Variants in SPRY3 observed in about 807,000 individuals in gnomAD.
SPRY3 encodes the protein sprouty RTK signaling antagonist 3.
In SPRY3, 15 loss-of-function variants were observed where a neutral mutation model predicts 20.2. The observed-to-expected ratio is 0.74, with a 90% confidence interval of 0.50 to 1.14. The LOEUF is 1.14. SPRY3 is among the 50% of genes most tolerant of loss of function. The pLI is 0.00. For missense variants in SPRY3, 364 were observed against 363.9 expected (o/e 1.00, Z 0.00); for synonymous variants, 143 against 136.5 (o/e 1.05, Z -0.33).
At chrX:155,673,128 T>C (rs1603130640) in intron 2 of SPRY3, among the ~76,000 whole-genome samples, 4 of 97,768 alleles carry the variant, frequency 4.1e-5, no homozygotes, top group African/African-American at 1.1e-4. Context: ...GACAAGTTAA[T>C]GGGTGCAGCA....
At chrX:155,637,065 G>A (rs887601938) in intron 1 of SPRY3, among the ~76,000 whole-genome samples, 5 of 101,538 alleles carry the variant, frequency 4.9e-5, no homozygotes, top group Non-Finnish European at 1.0e-4. Flanking sequence ...GGATAGCATT[G>A]GGAGATATAC....
At position 155,652,417 on chromosome X, in the gene SPRY3, C is replaced by T. The variant is rs782530268; in HGVS notation, c.-440-4450C>T. 2.8e-4 allele frequency among the ~76,000 whole-genome samples: 31 copies of T among 111,075 alleles called. No homozygotes were observed. In the Admixed American group the frequency reaches 2.9e-3, roughly 10 times the overall value. ...CCAGCCCATTACAACCTTTCCCAGT[C>T]TCTGGTAGCCATCCTTCTACTCTCT... On this transcript the variant is annotated intron_variant, in intron 1 of 3. Coordinates refer to ENST00000675360, the Ensembl canonical transcript of SPRY3.
chrX:155,623,641 C>T (rs2067878365), intron 1 of SPRY3, among the ~76,000 whole-genome samples: 1 of 111,856 alleles, frequency 8.9e-6, no homozygotes, highest in Admixed American at 9.5e-5. Flanking sequence ...AGAACTGACT[C>T]GCCCTGAATT....
intron 2 of SPRY3, among the ~76,000 whole-genome samples, chrX:155,739,485 G>T (rs1416553877): frequency 6.6e-6 from 1 of 152,174 alleles, no homozygotes; most frequent in Admixed American, 6.5e-5. Context: ...CTTGAAGCTG[G>T]CCCCTGATCC....
intron 2 of SPRY3, among the ~76,000 whole-genome samples, chrX:155,717,089 G>A (rs1289153248): frequency 2.8e-5 from 4 of 142,340 alleles, no homozygotes; most frequent in African/African-American, 1.0e-4. Flanking sequence ...AACCCGGGAA[G>A]CAGAGGTTGC....
chrX:155,669,549 T>C (rs1557354573), intron 2 of SPRY3, among the ~76,000 whole-genome samples: 1 of 110,953 alleles, frequency 9.0e-6, no homozygotes, highest in African/African-American at 3.3e-5. Context: ...CACTAACAGA[T>C]TTTTCAAAAT....
chrX:155,719,863 ATTCCCGGC>A (rs1569385463), intron 2 of SPRY3, among the ~76,000 whole-genome samples: 1 of 152,114 alleles, frequency 6.6e-6, no homozygotes, highest in Non-Finnish European at 1.5e-5. Context: ...GACTCAAGAC[ATTCCCGGC>A]TGTGGTGGCT....
In SPRY3 at chrX:155,691,215, G is replaced by A. The variant is rs1015096077; in HGVS notation, c.-282+34190G>A. Reference sequence around the variant, plus strand: ...GCATTTACCCTGAGATAACTTTGCCGCAAAATATTTCACTTTTATTATTAT... The same window carrying A: ...GCATTTACCCTGAGATAACTTTGCCACAAAATATTTCACTTTTATTATTAT... On this transcript the variant is annotated intron_variant, in intron 2 of 3. Transcript: ENST00000675360. Among the ~76,000 whole-genome samples, 29 of 86,786 alleles carry A rather than the reference G, an allele frequency of 3.3e-4. 8 individuals carry two copies. Among genetic ancestry groups the A allele is most frequent in the African/African-American group, 1.1e-3 (19 of 18,028 alleles). The allele number at this position is 86,786 out of a possible 115,157, so 75.4% of individuals were successfully genotyped here.
intron 2 of SPRY3, among the ~76,000 whole-genome samples, chrX:155,716,217 G>T (rs1289030973): frequency 6.6e-6 from 1 of 151,898 alleles, no homozygotes; most frequent in Non-Finnish European, 1.5e-5. Context: ...CTGTCTTTAG[G>T]TTCACTGATT....
intron 1 of SPRY3, among the ~76,000 whole-genome samples, chrX:155,649,990 G>T (rs2067971345): frequency 9.0e-6 from 1 of 111,430 alleles, no homozygotes; most frequent in South Asian, 3.8e-4. Flanking sequence ...GCCAAATCAT[G>T]AGTGAACTCC....
At chrX:155,634,372 G>A (rs1348142356) in intron 1 of SPRY3, among the ~76,000 whole-genome samples, 2 of 111,559 alleles carry the variant, frequency 1.8e-5, no homozygotes, top group African/African-American at 6.5e-5. Context: ...TATCATGTGT[G>A]GACTTGTGAA....
intron 1 of SPRY3, among the ~76,000 whole-genome samples, chrX:155,625,254 C>T (rs1315736492): frequency 9.0e-6 from 1 of 111,388 alleles, no homozygotes; most frequent in African/African-American, 3.2e-5. Context: ...GAGAATGATA[C>T]ACTGATCCCC....
chrX:155,751,924 G>GAAATAAATAAAATAAAATA (rs1198863459), intron 2 of SPRY3, among the ~76,000 whole-genome samples: 2 of 121,662 alleles, frequency 1.6e-5, no homozygotes, highest in African/African-American at 5.9e-5. Context: ...CAAGGGAAGG[G>GAAATAAATAAAATAAAATA]AAATAAAATA....
intron 2 of SPRY3, among the ~76,000 whole-genome samples, chrX:155,675,599 A>G (rs1381632248): frequency 8.9e-6 from 1 of 111,765 alleles, no homozygotes; most frequent in Middle Eastern, 4.6e-3. Flanking sequence ...GGTCATTATA[A>G]ATGAGGCAAA....
intron 2 of SPRY3, among the ~76,000 whole-genome samples, chrX:155,703,552 C>T (rs1482626152): frequency 9.5e-6 from 1 of 105,430 alleles, no homozygotes; most frequent in Non-Finnish European, 1.9e-5. Context: ...TTTGTTGATC[C>T]TTTCAAAAAA....
chrX:155,751,983 T>TAAA (rs1444866727), intron 2 of SPRY3, among the ~76,000 whole-genome samples: 1 of 127,636 alleles, frequency 7.8e-6, no homozygotes. Context: ...TAAAATAAAA[T>TAAA]AAAGGAAAGG....
chrX:155,624,937 C>T (rs1419662448), intron 1 of SPRY3, among the ~76,000 whole-genome samples: 1 of 111,141 alleles, frequency 9.0e-6, no homozygotes, highest in African/African-American at 3.3e-5. Context: ...CTAGTACAAA[C>T]GTAAATTTCT....
chrX:155,667,819 T>G (rs1327766484), intron 2 of SPRY3, among the ~76,000 whole-genome samples: 2 of 110,981 alleles, frequency 1.8e-5, no homozygotes, highest in Admixed American at 1.9e-4. Flanking sequence ...GAGCAGATAT[T>G]TCACAAAAGA....
Position 155,744,372 on chromosome X carries a change from G to A in SPRY3, c.-281-23590G>A, listed in dbSNP as rs772584777. Among the ~76,000 whole-genome samples, 11 of 152,186 alleles carry A rather than the reference G, an allele frequency of 7.2e-5. No individual in the cohort carries two copies. In the South Asian group the frequency reaches 2.1e-3, roughly 29 times the overall value. On this transcript the variant is annotated intron_variant, in intron 2 of 3. Transcript: ENST00000675360. Reference sequence around the variant, plus strand: ...TCCTTAGGATCTCCTGAGGCAGTTTGTGTAAAAGGAGGCAACTTGCCACCA... The same window carrying A: ...TCCTTAGGATCTCCTGAGGCAGTTTATGTAAAAGGAGGCAACTTGCCACCA...
Sources: allele counts gnomAD v4.1 joint callset (sites outside exome capture counted in the v4.1 genomes callset), GRCh38; gene constraint gnomAD v4.1.1; transcripts MANE v1.5; gene names NCBI Gene and HGNC (gene_info 2026-07-23, HGNC 2026-07-21).